Variants in RYR2 observed in about 807,000 individuals in gnomAD.
The protein encoded by RYR2 is cardiac muscle ryanodine receptor-calcium release channel.
In RYR2, 227 loss-of-function variants were observed where a neutral mutation model predicts 601.1. The observed-to-expected ratio is 0.38, with a 90% confidence interval of 0.34 to 0.42. The LOEUF (loss-of-function observed/expected upper bound fraction) is 0.42, where lower values mean the gene tolerates loss of function less well. Among genes scored for constraint, RYR2 ranks in the 10% least tolerant of loss-of-function variants. The probability of loss-of-function intolerance (pLI) is 1.00; values close to 1 mark genes in which losing one functional copy is unlikely to be tolerated. For synonymous variants in RYR2, 2,223 were observed against 2,175.1 expected (o/e 1.02, Z -0.61); for missense variants, 4,646 against 6,156.5 (o/e 0.75, Z 8.21).
intron 18 of RYR2, among the ~76,000 whole-genome samples, chr1:237,492,711 C>T (rs965940356): frequency 6.6e-6 from 1 of 151,936 alleles, no homozygotes; most frequent in African/African-American, 2.4e-5. Context: ...TGGTGGCATG[C>T]ACCTACAGAG....
intron 84 of RYR2, among the ~76,000 whole-genome samples, chr1:237,766,774 G>A (rs1693879892): frequency 6.6e-6 from 1 of 152,162 alleles, no homozygotes; most frequent in African/African-American, 2.4e-5. Context: ...TGTTTAAGAA[G>A]TTAACAGAAT....
chr1:237,811,863 A>G (rs1661292308), intron 100 of RYR2, among the ~76,000 whole-genome samples: 1 of 152,180 alleles, frequency 6.6e-6, no homozygotes, highest in Non-Finnish European at 1.5e-5. Context: ...CTAGTGACCT[A>G]CTTGGAGGAC....
At chr1:237,560,643 A>C (rs1050160875) in intron 27 of RYR2, among the ~76,000 whole-genome samples, 2 of 151,962 alleles carry the variant, frequency 1.3e-5, no homozygotes, top group African/African-American at 4.8e-5. Flanking sequence ...TCAAATAAAC[A>C]CTCCCTGGCT....
intron 1 of RYR2, among the ~76,000 whole-genome samples, chr1:237,268,935 CAAAAAA>C (rs1160004017): frequency 4.3e-4 from 7 of 16,226 alleles, no homozygotes; most frequent in African/African-American, 9.0e-4. Context: ...ACTCTTGTCT[CAAAAAA>C]AAAAAAAAAA....
intron 45 of RYR2, 54 bp from the exon 46 acceptor site, chr1:237,638,961 T>G: frequency 1.9e-6 from 3 of 1,576,478 alleles, no homozygotes; most frequent in Non-Finnish European, 2.6e-6. Flanking sequence ...ATTTATTTGT[T>G]CAGAACTTCC....
intron 92 of RYR2, among the ~76,000 whole-genome samples, chr1:237,791,049 G>C (rs1028432638): frequency 2.5e-4 from 38 of 151,972 alleles, no homozygotes; most frequent in African/African-American, 8.9e-4. Flanking sequence ...CCAAATATTT[G>C]TATGACTTGC....
chr1:237,801,860 A>G lies in RYR2; in HGVS notation c.14095A>G (p.Asn4699Asp). ...KKDSSLSAVL[N>D]SIDVKYQMWK... ...TTTTTTTTTTTGTCATTGCAGACTG[A>G]ACTCCATTGATGTGAAGTATCAGAT... Residue 4699 changes from asparagine (N) to aspartate (D), a missense_variant, in exon 98 of 105, where the codon AAC becomes GAC. Physicochemically the swap from Asn to Asp is conservative, Grantham distance 23 (BLOSUM62 1). Around this residue, in one of 17 missense-constraint regions of RYR2, gnomAD observed 76 missense variants for 97.4 expected, o/e 0.78. Transcript: ENST00000366574. The G allele has an allele frequency of 6.3e-7, 1 of 1,585,520 alleles. No homozygotes were observed. The highest frequency in any genetic ancestry group is 8.6e-7 in the Non-Finnish European group (1 of 1,161,140).
chr1:237,667,754 T>A, intron 57 of RYR2, 129 bp from the exon 58 acceptor site: 1 of 632,358 alleles, frequency 1.6e-6, no homozygotes, highest in Non-Finnish European at 2.7e-6. Context: ...GAGTGTTTGA[T>A]ATCTTTTAAA....
At chr1:237,823,488 A>G (rs1662746405) in intron 101 of RYR2, among the ~76,000 whole-genome samples, 2 of 152,234 alleles carry the variant, frequency 1.3e-5, no homozygotes, top group African/African-American at 2.4e-5. Flanking sequence ...CGATGAGAAC[A>G]AAGACACAAC....
chr1:237,197,683 G>A (rs1680716438), intron 1 of RYR2, among the ~76,000 whole-genome samples: 1 of 152,210 alleles, frequency 6.6e-6, no homozygotes, highest in South Asian at 2.1e-4. Flanking sequence ...TAGGGTGCTT[G>A]AAGAAGTGGT....
At chr1:237,679,965 G>A (rs1385084889) in intron 61 of RYR2, among the ~76,000 whole-genome samples, 1 of 152,110 alleles carries the variant, frequency 6.6e-6, no homozygotes, top group Non-Finnish European at 1.5e-5. Flanking sequence ...TTTAAGAAAG[G>A]CCAGGTTAAA....
chr1:237,805,575 T>TTTTTTTTTTTTTTTTTTTTTTTTA (rs1558456088), intron 98 of RYR2, among the ~76,000 whole-genome samples: 3 of 103,416 alleles, frequency 2.9e-5, no homozygotes, highest in Non-Finnish European at 5.4e-5. Flanking sequence ...AGCTAGACTC[T>TTTTTTTTTTTTTTTTTTTTTTTTA]GTCTCAAAAA....
intron 20 of RYR2, 38 bp downstream of exon 20, chr1:237,496,790 G>A: frequency 6.3e-7 from 1 of 1,579,716 alleles, no homozygotes; most frequent in Non-Finnish European, 8.6e-7. Flanking sequence ...TGTTCCAGAA[G>A]ATCTTTTGCT....
chr1:237,184,295 C>T (rs1679103330), intron 1 of RYR2, among the ~76,000 whole-genome samples: 1 of 152,196 alleles, frequency 6.6e-6, no homozygotes, highest in South Asian at 2.1e-4. Context: ...CTTCATCTCC[C>T]TGCTGTCTTA....
intron 3 of RYR2, among the ~76,000 whole-genome samples, chr1:237,345,070 A>G (rs1431438939): frequency 6.6e-6 from 1 of 152,126 alleles, no homozygotes; most frequent in Non-Finnish European, 1.5e-5. Flanking sequence ...CGGACTCCCA[A>G]AGTGCTGGGA....
At chr1:237,529,890 T>G (rs2805446) in intron 24 of RYR2, among the ~76,000 whole-genome samples, 89 of 151,662 alleles carry the variant, frequency 5.9e-4, no homozygotes, top group African/African-American at 2.1e-3. Context: ...GGAAACAGAA[T>G]TAGAAGAAGT....
In RYR2 at chr1:237,833,835, G is replaced by A. The variant is rs951921491; in HGVS notation, c.*1188G>A. On this transcript the variant is annotated 3_prime_UTR_variant, in exon 105 of 105. Transcript: ENST00000366574. ...TACATCACTCCATTTTTTCCATTTT[G>A]AGTCCTTTTAAATGTAATGCTAACC... 2 of 152,492 alleles carry A rather than the reference G, an allele frequency of 1.3e-5. No homozygotes were observed. Among genetic ancestry groups the A allele is most frequent in the Non-Finnish European group, 2.9e-5 (2 of 68,002 alleles). The allele number at this position is 152,492 out of a possible 1,614,324, so 9.4% of individuals were successfully genotyped here.
intron 1 of RYR2, among the ~76,000 whole-genome samples, chr1:237,214,030 C>T (rs1248936885): frequency 2.0e-5 from 3 of 147,584 alleles, no homozygotes; most frequent in South Asian, 2.2e-4. Context: ...AAGCGATCCT[C>T]GTGCCTCAGT....
intron 101 of RYR2, among the ~76,000 whole-genome samples, chr1:237,822,664 A>C (rs971230367): frequency 3.3e-5 from 5 of 152,200 alleles, no homozygotes; most frequent in Non-Finnish European, 5.9e-5. Context: ...GACAGGATCA[A>C]ATTCACACAT....
Sources: gnomAD v4.1 joint callset for allele counts (sites outside exome capture counted in the v4.1 genomes callset) on GRCh38, gnomAD v4.1.1 for gene constraint, gnomAD v4.1.1 regional missense constraint, MANE v1.5 for transcripts, NCBI Gene and HGNC (gene_info 2026-07-23, HGNC 2026-07-21) for gene names.